SCMH1: variants seen among roughly 807,000 people sequenced by gnomAD.
SCMH1 encodes the protein polycomb protein SCMH1.
In SCMH1, 37 loss-of-function variants were observed where a neutral mutation model predicts 70.8. That is an observed-to-expected ratio of 0.52 (90% confidence interval 0.40 to 0.69). The LOEUF is 0.69. SCMH1 is among the 30% of genes least tolerant of loss of function. The pLI is 0.00. For synonymous variants in SCMH1, 292 were observed against 307.4 expected (o/e 0.95, Z 0.52); for missense variants, 607 against 827.3 (o/e 0.73, Z 3.27).
At chr1:41,197,252 T>C (rs1048585899) in intron 1 of SCMH1, among the ~76,000 whole-genome samples, 1 of 152,156 alleles carries the variant, frequency 6.6e-6, no homozygotes, top group African/African-American at 2.4e-5. Flanking sequence ...CCAATGTTCA[T>C]AGCAGCATGA....
At chr1:41,189,661 G>T (rs911969771) in intron 1 of SCMH1, among the ~76,000 whole-genome samples, 15 of 152,178 alleles carry the variant, frequency 9.9e-5, no homozygotes, top group Non-Finnish European at 2.2e-4. Flanking sequence ...AAAGAAGATG[G>T]AGCATATCTC....
At chr1:41,188,261 C>G (rs1460392701) in intron 1 of SCMH1, among the ~76,000 whole-genome samples, 5 of 152,162 alleles carry the variant, frequency 3.3e-5, no homozygotes, top group Admixed American at 3.3e-4. Context: ...TCCAGAGTAG[C>G]TGGGATTATA....
chr1:41,049,021 A>C lies in SCMH1; in HGVS notation c.1106-131T>G, dbSNP rs1029509333. ...AGAATTCCTAGCAGCTGAGCTGGTG[A>C]AATGCTGTGGGAGGTAGAGGGTGGA... is the stretch of plus-strand genomic sequence containing the variant. On this transcript the variant is annotated intron_variant, in intron 10 of 14. Coordinates refer to ENST00000337495, the Ensembl canonical transcript of SCMH1. 1.5e-5 allele frequency: 13 copies of C among 841,156 alleles called. No homozygotes were observed. The South Asian group carries it at 2.4e-4, about 15-fold the overall frequency. 52.1% of individuals were successfully genotyped at this position (841,156 alleles called of 1,614,324 possible).
At chr1:41,173,018 T>C (rs573340773) in intron 2 of SCMH1, among the ~76,000 whole-genome samples, 1 of 151,840 alleles carries the variant, frequency 6.6e-6, no homozygotes, top group Non-Finnish European at 1.5e-5. Context: ...CTTCAAGACA[T>C]TGATCTGCAC....
chr1:41,140,769 T>C (rs1306579045), intron 6 of SCMH1, among the ~76,000 whole-genome samples: 1 of 152,012 alleles, frequency 6.6e-6, no homozygotes, highest in African/African-American at 2.4e-5. Flanking sequence ...GGGCAAAAAA[T>C]ATATAAGATG....
chr1:41,192,493 G>A (rs976582563), intron 1 of SCMH1, among the ~76,000 whole-genome samples: 1 of 68,938 alleles, frequency 1.5e-5, no homozygotes, highest in African/African-American at 4.0e-5. Flanking sequence ...GATTAAATAG[G>A]AGACACACAC....
chr1:41,037,528 G>A, exon 13 of SCMH1: 1 of 1,613,972 alleles, frequency 6.2e-7, no homozygotes, highest in Non-Finnish European at 8.5e-7. Context: ...TATTCCCCAG[G>A]ACAAAGGTTT....
At chr1:41,135,635 A>G (rs1643173712) in intron 6 of SCMH1, among the ~76,000 whole-genome samples, 1 of 152,198 alleles carries the variant, frequency 6.6e-6, no homozygotes. Context: ...ATGTCCTTAT[A>G]GCAGCAGGAG....
chr1:41,065,136 A>G (rs953076237), intron 10 of SCMH1, among the ~76,000 whole-genome samples: 2 of 152,254 alleles, frequency 1.3e-5, no homozygotes, highest in African/African-American at 4.8e-5. Context: ...AAGTCAATGT[A>G]GAGATTGACT....
chr1:41,155,157 C>T (rs1645405170), intron 4 of SCMH1, among the ~76,000 whole-genome samples: 1 of 152,040 alleles, frequency 6.6e-6, no homozygotes, highest in African/African-American at 2.4e-5. Context: ...AACTCTGATG[C>T]ATACCACGTG....
At chr1:41,146,135 G>T (rs938603512) in intron 5 of SCMH1, among the ~76,000 whole-genome samples, 8 of 151,876 alleles carry the variant, frequency 5.3e-5, no homozygotes, top group Admixed American at 5.3e-4. Flanking sequence ...AAGTAGAAAT[G>T]GAAGACAGTG....
intron 1 of SCMH1, among the ~76,000 whole-genome samples, chr1:41,189,086 A>G (rs902738765): frequency 2.6e-5 from 4 of 152,234 alleles, no homozygotes; most frequent in African/African-American, 9.6e-5. Flanking sequence ...GGCAGGAGAC[A>G]GAGGATTCAT....
chr1:41,092,348 C>T (rs1307062668), intron 8 of SCMH1, among the ~76,000 whole-genome samples: 4 of 152,164 alleles, frequency 2.6e-5, no homozygotes, highest in African/African-American at 9.7e-5. Flanking sequence ...GGATCCCTTC[C>T]TTACACCTTA....
intron 10 of SCMH1, among the ~76,000 whole-genome samples, chr1:41,055,867 T>C (rs1403422453): frequency 6.6e-6 from 1 of 152,192 alleles, no homozygotes; most frequent in African/African-American, 2.4e-5. Context: ...CTGATTTAGA[T>C]GATGAGATCC....
chr1:41,200,929 A>ATT lies in SCMH1; in HGVS notation c.-117-14681_-117-14680dup, dbSNP rs138860341. Reference sequence around the variant, plus strand: ...AGATAAGAGATTACTAACCTTTACCATTTTTTTTTTATCAGTTCACACACT... The same window carrying ATT: ...AGATAAGAGATTACTAACCTTTACCATTTTTTTTTTTTATCAGTTCACACACT... On this transcript the variant is annotated intron_variant, in intron 1 of 14. Transcript: ENST00000337495. 1.0e-4 allele frequency among the ~76,000 whole-genome samples: 15 copies of ATT among 150,130 alleles called. No homozygotes were observed. In the South Asian group the frequency reaches 1.1e-3, roughly 11 times the overall value.
chr1:41,066,499 AT>A (rs1253131427), intron 10 of SCMH1, among the ~76,000 whole-genome samples: 1 of 152,040 alleles, frequency 6.6e-6, no homozygotes, highest in Non-Finnish European at 1.5e-5. Flanking sequence ...CAGAAGTATG[AT>A]TGTCTATATA....
chr1:41,110,872 A>C (rs1669092275), intron 8 of SCMH1, among the ~76,000 whole-genome samples: 1 of 152,176 alleles, frequency 6.6e-6, no homozygotes, highest in Admixed American at 6.5e-5. Context: ...ACTGTTTTCT[A>C]AAGTGGTTGC....
intron 13 of SCMH1, among the ~76,000 whole-genome samples, chr1:41,032,424 A>G (rs993283149): frequency 1.3e-5 from 2 of 152,186 alleles, no homozygotes; most frequent in Admixed American, 6.5e-5. Context: ...AGGAAGGCCA[A>G]TGTATCAGAA....
chr1:41,143,318 T>C (rs1644264410), intron 5 of SCMH1, among the ~76,000 whole-genome samples: 1 of 152,126 alleles, frequency 6.6e-6, no homozygotes, highest in African/African-American at 2.4e-5. Context: ...AATAGACCCA[T>C]ACCAGTTAAA....
Sources: gnomAD v4.1 joint callset for allele counts (sites outside exome capture counted in the v4.1 genomes callset) on GRCh38, gnomAD v4.1.1 for gene constraint, MANE v1.5 for transcripts, NCBI Gene and HGNC (gene_info 2026-07-23, HGNC 2026-07-21) for gene names.